Variants in COBL observed in about 807,000 individuals in gnomAD.
COBL encodes the protein cordon-bleu WH2 repeat protein.
In COBL, 51 loss-of-function variants were observed where a neutral mutation model predicts 98.8. That is an observed-to-expected ratio of 0.52 (90% confidence interval 0.41 to 0.65). The LOEUF is 0.65. COBL is among the 30% of genes least tolerant of loss of function. The pLI is 0.00. For missense variants in COBL, 1,617 were observed against 1,617.5 expected (o/e 1.00, Z 0.01); for synonymous variants, 634 against 651.7 (o/e 0.97, Z 0.41).
chr7:51,134,956 CT>C (rs983727768), intron 6 of COBL, among the ~76,000 whole-genome samples: 32 of 149,450 alleles, frequency 2.1e-4, no homozygotes, highest in East Asian at 3.9e-4. Flanking sequence ...GTATACATTC[CT>C]TTTTTTTTTA....
chr7:51,250,453 C>A (rs17134209), intron 1 of COBL, among the ~76,000 whole-genome samples: 5,037 of 152,060 alleles, frequency 0.033, 224 homozygotes, highest in African/African-American at 0.095. Flanking sequence ...ATGCTGTGGA[C>A]AAATTTTATA....
intron 6 of COBL, among the ~76,000 whole-genome samples, chr7:51,109,881 G>A (rs567206081): frequency 6.6e-6 from 1 of 152,154 alleles, no homozygotes; most frequent in Non-Finnish European, 1.5e-5. Context: ...GGAGCGCTGA[G>A]GCAGTGAAAG....
intron 1 of COBL, among the ~76,000 whole-genome samples, chr7:51,263,158 G>A (rs1056687147): frequency 1.3e-5 from 2 of 152,176 alleles, no homozygotes; most frequent in South Asian, 2.1e-4. Flanking sequence ...CCCGCAAGCC[G>A]AGGGTGGCCC....
chr7:51,136,395 C>T (rs1028709480), intron 5 of COBL, 64 bp from the exon 6 acceptor site: 11 of 1,493,804 alleles, frequency 7.4e-6, no homozygotes, highest in Non-Finnish European at 9.9e-6. Context: ...CGTATGAATG[C>T]TCACATGAAG....
chr7:51,262,597 C>G (rs143129943), intron 1 of COBL, among the ~76,000 whole-genome samples: 2,803 of 152,314 alleles, frequency 0.018, 41 homozygotes, highest in Non-Finnish European at 0.031. Flanking sequence ...AGTCGCCATG[C>G]CTGTGAACCA....
intron 1 of COBL, among the ~76,000 whole-genome samples, chr7:51,297,360 A>G (rs1043521764): frequency 6.7e-6 from 1 of 149,576 alleles, no homozygotes; most frequent in Non-Finnish European, 1.5e-5. Context: ...TGTTCTTAAC[A>G]TGGTAAGCTA....
Position 51,085,254 on chromosome 7 carries a change from T to G in COBL, c.1008A>C (p.Pro336=), listed in dbSNP as rs749707618. The G allele has an allele frequency of 1.5e-5, 24 of 1,608,316 alleles. No homozygotes were observed. The African/African-American group carries it at 3.3e-4, about 22-fold the overall frequency. Residue 336 remains proline, a synonymous_variant, in exon 7 of 13, where the codon CCA becomes CCC. Transcript: ENST00000265136. ...IDLQKKKRRA[P]APPPPQPPPP... ...GTGGTGGCTGTGGTGGAGGGGGAGC[T>G]GGCGCTCGCCGCTTCTTCTTCTGTA... is the stretch of plus-strand genomic sequence containing the variant.
At chr7:51,193,707 T>A in intron 2 of COBL, 118 bp from the exon 3 acceptor site, 1 of 850,792 alleles carries the variant, frequency 1.2e-6, no homozygotes, top group South Asian at 1.7e-5. Flanking sequence ...GATATGCTTA[T>A]GAAAAAAGAC....
chr7:51,027,604 T>C, intron 10 of COBL, 108 bp downstream of exon 10: 2 of 940,248 alleles, frequency 2.1e-6, no homozygotes, highest in Non-Finnish European at 3.2e-6. Context: ...GCCTCACTGT[T>C]ATCCTAATCC....
chr7:51,239,887 T>C (rs958422011), intron 1 of COBL, among the ~76,000 whole-genome samples: 7 of 152,196 alleles, frequency 4.6e-5, no homozygotes, highest in Admixed American at 2.0e-4. Context: ...AATAGCTACA[T>C]AGTAAACATT....
intron 1 of COBL, among the ~76,000 whole-genome samples, chr7:51,225,710 TA>T (rs1794112033): frequency 1.3e-5 from 2 of 152,222 alleles, no homozygotes; most frequent in South Asian, 4.1e-4. Context: ...ACACATTTAC[TA>T]AGTTTCAGGA....
At chr7:51,266,351 G>A (rs1318707528) in intron 1 of COBL, among the ~76,000 whole-genome samples, 1 of 152,222 alleles carries the variant, frequency 6.6e-6, no homozygotes, top group Non-Finnish European at 1.5e-5. Context: ...GGCCGAGGCA[G>A]GTGGATCACC....
At position 51,219,870 on chromosome 7, in the gene COBL, G is replaced by T. The variant is rs1793458513; in HGVS notation, c.116C>A (p.Pro39His). 1 of 1,613,494 alleles carries T rather than the reference G, an allele frequency of 6.2e-7. No homozygotes were observed. The highest frequency in any genetic ancestry group is 1.1e-5 in the South Asian group (1 of 91,062). Residue 39 changes from proline (P) to histidine (H), a missense_variant, in exon 2 of 13, where the codon CCC becomes CAC. Physicochemically the swap from Pro to His is moderately conservative, Grantham distance 77. Transcript: ENST00000265136. ...CGACCCGAGGGCCCCATCGTGGGGG[G>T]GCTTCTGGTCACTGTGCACATGCAG... ...ATLHVHSDQK[P>H]PHDGALGSQQ...
chr7:51,305,226 A>G lies in COBL; in HGVS notation c.41+11367T>C, dbSNP rs183419153. On this transcript the variant is annotated intron_variant, in intron 1 of 12. Coordinates refer to ENST00000265136, the MANE Select transcript of COBL (RefSeq NM_015198.5). ...TAAGTAAAAAATGTTACACAAATGA[A>G]GTGCATCCCCTTCCTAGGCACATGG... Among the ~76,000 whole-genome samples, 70 of 152,326 alleles carry G rather than the reference A, an allele frequency of 4.6e-4. 2 individuals carry two copies. In the East Asian group the frequency reaches 0.012, roughly 26 times the overall value.
intron 6 of COBL, among the ~76,000 whole-genome samples, chr7:51,087,869 T>C (rs889909624): frequency 6.6e-6 from 1 of 151,780 alleles, no homozygotes; most frequent in African/African-American, 2.4e-5. Context: ...AGGAAGATTT[T>C]TGAGACCTTC....
intron 1 of COBL, among the ~76,000 whole-genome samples, chr7:51,301,326 T>C (rs139215136): frequency 1.1e-3 from 161 of 152,306 alleles, no homozygotes; most frequent in African/African-American, 3.6e-3. Flanking sequence ...CTACCGCGCC[T>C]GGCATCTCCT....
intron 1 of COBL, among the ~76,000 whole-genome samples, chr7:51,273,340 A>AG (rs1181195259): frequency 6.6e-6 from 1 of 151,896 alleles, no homozygotes; most frequent in African/African-American, 2.4e-5. Context: ...AAAAAAAAAA[A>AG]AAAAAAGAAA....
chr7:51,235,732 C>T (rs1049631336), intron 1 of COBL, among the ~76,000 whole-genome samples: 2 of 152,108 alleles, frequency 1.3e-5, no homozygotes, highest in African/African-American at 4.8e-5. Context: ...TCTGAGAGGC[C>T]TCTTTAAGAT....
intron 7 of COBL, chr7:51,064,972 G>A (rs1791751096): frequency 3.3e-6 from 2 of 600,214 alleles, no homozygotes; most frequent in African/African-American, 3.7e-5. Context: ...TCTATTAGCT[G>A]GGAGAAACCA....
Sources: gnomAD v4.1 joint callset for allele counts (sites outside exome capture counted in the v4.1 genomes callset) on GRCh38, gnomAD v4.1.1 for gene constraint, MANE v1.5 for transcripts, NCBI Gene and HGNC (gene_info 2026-07-23, HGNC 2026-07-21) for gene names.